PDLIM5: variants seen among roughly 807,000 people sequenced by gnomAD.
PDLIM5 encodes PDZ and LIM domain 5.
A neutral mutation model predicts 64.2 loss-of-function variants in PDLIM5; 34 were observed. That is an observed-to-expected ratio of 0.53 (90% CI 0.40 to 0.71). The LOEUF (loss-of-function observed/expected upper bound fraction) is 0.71. PDLIM5 is among the 30% of genes least tolerant of loss of function. The pLI, the probability that PDLIM5 is intolerant of heterozygous loss-of-function variation, is 0.00. For synonymous variants in PDLIM5, 253 were observed against 269.1 expected (o/e 0.94, Z 0.59); for missense variants, 683 against 733.6 (o/e 0.93, Z 0.80).
intron 3 of PDLIM5, among the ~76,000 whole-genome samples, chr4:94,528,630 C>A (rs1033894794): frequency 2.0e-4 from 30 of 152,268 alleles, no homozygotes; most frequent in Admixed American, 2.0e-3. Context: ...TGAACTCTTA[C>A]TATGTGCCGG....
At chr4:94,529,053 G>A (rs370450062) in intron 3 of PDLIM5, among the ~76,000 whole-genome samples, 2 of 152,350 alleles carry the variant, frequency 1.3e-5, no homozygotes, top group East Asian at 1.9e-4. Context: ...GGGAGTAGAA[G>A]TGGCGAGAAC....
chr4:94,526,409 A>G (rs969634484), intron 3 of PDLIM5, among the ~76,000 whole-genome samples: 2 of 152,312 alleles, frequency 1.3e-5, no homozygotes. Context: ...TCATATCTTC[A>G]TATTTCTAAA....
intron 7 of PDLIM5, among the ~76,000 whole-genome samples, chr4:94,607,265 CTT>C (rs35242711): frequency 2.1e-5 from 3 of 145,654 alleles, no homozygotes; most frequent in Non-Finnish European, 4.5e-5. Flanking sequence ...TATCCACAGA[CTT>C]TTTTTTTTTA....
intron 7 of PDLIM5, among the ~76,000 whole-genome samples, chr4:94,596,303 G>A (rs901928887): frequency 3.9e-5 from 6 of 152,054 alleles, no homozygotes; most frequent in East Asian, 3.9e-4. Context: ...GTCAGTGTTC[G>A]TAATATGCCA....
chr4:94,586,882 A>G, intron 7 of PDLIM5: 3 of 1,049,900 alleles, frequency 2.9e-6, no homozygotes, highest in South Asian at 1.8e-5. Flanking sequence ...TTAAGCTTTT[A>G]TAAGGCATGT....
intron 8 of PDLIM5, among the ~76,000 whole-genome samples, chr4:94,621,880 A>T (rs1162482148): frequency 9.9e-5 from 15 of 152,218 alleles, no homozygotes; most frequent in Admixed American, 4.6e-4. Flanking sequence ...ATTATATAAC[A>T]TTATAAAACA....
At chr4:94,524,368 C>CAAAA (rs34215993) in intron 3 of PDLIM5, among the ~76,000 whole-genome samples, 2 of 77,210 alleles carry the variant, frequency 2.6e-5, no homozygotes, top group African/African-American at 8.2e-5. Context: ...GACCCTGTCT[C>CAAAA]AAAAAAAAAA....
intron 3 of PDLIM5, among the ~76,000 whole-genome samples, chr4:94,572,842 A>G (rs1734923047): frequency 6.6e-6 from 1 of 152,212 alleles, no homozygotes; most frequent in Non-Finnish European, 1.5e-5. Context: ...GGAATACAGA[A>G]TAAATATTCA....
chr4:94,585,598 A>G lies in PDLIM5; in HGVS notation c.744A>G (p.Thr248=). The part of the protein sequence containing the change: ...PPRKHIVERY[T]EFYHVPTHSD... ...GAAAACACATTGTGGAGCGCTATAC[A>G]GAGTTTTATCATGTACCCACTCACA... The change falls in exon 6 of 13, where the codon ACA becomes ACG. Residue 248 remains threonine, a synonymous_variant. Transcript: ENST00000317968. The G allele has an allele frequency of 6.2e-7, 1 of 1,613,066 alleles. No individual in the cohort carries two copies.
Position 94,665,687 on chromosome 4 carries a change from G to T in PDLIM5, c.*1620G>T. ...CTTTGCAGAATGATCTTTTTGTTTC[G>T]TTTTGTTTCTTCTTCTGCATTTAAA... On this transcript the variant is annotated 3_prime_UTR_variant, in exon 13 of 13. Transcript: ENST00000317968. 9.2e-7 allele frequency: 1 copy of T among 1,088,994 alleles called. No individual in the cohort carries two copies. Among genetic ancestry groups the T allele is most frequent in the Non-Finnish European group, 1.1e-6 (1 of 897,204 alleles). The allele number at this position is 1,088,994 out of a possible 1,614,324, so 67.5% of individuals were successfully genotyped here.
intron 2 of PDLIM5, among the ~76,000 whole-genome samples, chr4:94,480,571 G>T (rs1472015853): frequency 1.3e-5 from 2 of 152,188 alleles, no homozygotes; most frequent in Non-Finnish European, 2.9e-5. Context: ...TGCAGAGAAG[G>T]CATGGGTCTG....
At chr4:94,549,251 G>T (rs999623924) in intron 3 of PDLIM5, among the ~76,000 whole-genome samples, 1 of 152,162 alleles carries the variant, frequency 6.6e-6, no homozygotes, top group African/African-American at 2.4e-5. Flanking sequence ...TCTATATGGA[G>T]TACAGGGTTA....
In PDLIM5 at chr4:94,619,285, C is replaced by G. The variant is rs1167031804; in HGVS notation, c.1108+1094C>G. The stretch of plus-strand genomic sequence containing the variant: ...TACAAATGACTTCTAATTTCCCTGT[C>G]TCCTTTCCCCTCCTTCAGTCTGTCC... On this transcript the variant is annotated intron_variant, in intron 8 of 12. Coordinates refer to ENST00000317968, the MANE Select transcript of PDLIM5 (RefSeq NM_006457.5). Among the ~76,000 whole-genome samples the G allele has an allele frequency of 4.6e-5, 7 of 152,208 alleles. No individual in the cohort carries two copies. In the East Asian group the frequency reaches 1.3e-3, roughly 29 times the overall value.
chr4:94,584,402 C>T (rs1238454193), intron 5 of PDLIM5: 1 of 152,178 alleles, frequency 6.6e-6, no homozygotes, highest in African/African-American at 2.4e-5. Context: ...AATGAATGTT[C>T]TTAGCAAACT....
chr4:94,602,642 G>A (rs568814175), intron 7 of PDLIM5, among the ~76,000 whole-genome samples: 2 of 152,012 alleles, frequency 1.3e-5, no homozygotes, highest in Non-Finnish European at 2.9e-5. Context: ...TTTTAGTAGA[G>A]ACGGAGTTTT....
chr4:94,467,486 G>A (rs760079466), intron 2 of PDLIM5, among the ~76,000 whole-genome samples: 1 of 151,898 alleles, frequency 6.6e-6, no homozygotes, highest in Non-Finnish European at 1.5e-5. Context: ...GCTAATTTTT[G>A]TATTCTTAGT....
rs778475759 is a variant in PDLIM5, at chr4:94,618,084, C to T, written c.1001C>T (p.Thr334Ile). The T allele has an allele frequency of 3.7e-6, 6 of 1,612,126 alleles. No homozygotes were observed. Among genetic ancestry groups the T allele is most frequent in the East Asian group, 4.5e-5 (2 of 44,740 alleles). Reference protein sequence around the residue: ...RSMPESLDSPTSGRPGVTSLT... With the variant: ...RSMPESLDSPISGRPGVTSLT... The stretch of plus-strand genomic sequence containing the variant: ...ATGCCCGAGAGCCTGGACAGCCCAA[C>T]CTCTGGCAGACCAGGGGTTACCAGC... The change falls in exon 8 of 13, where the codon ACC becomes ATC. Residue 334 changes from threonine (T) to isoleucine (I), a missense_variant. By Grantham distance (89) the Thr-to-Ile change is moderately conservative (BLOSUM62 -1). Coordinates refer to ENST00000317968, the MANE Select transcript of PDLIM5 (RefSeq NM_006457.5).
intron 2 of PDLIM5, among the ~76,000 whole-genome samples, chr4:94,491,223 C>T (rs1192420026): frequency 6.6e-6 from 1 of 152,136 alleles, no homozygotes; most frequent in Non-Finnish European, 1.5e-5. Context: ...TGGCACCTAG[C>T]ATTTGTACTT....
intron 8 of PDLIM5, among the ~76,000 whole-genome samples, chr4:94,627,485 T>C (rs182248694): frequency 3.0e-4 from 45 of 152,356 alleles, no homozygotes; most frequent in Admixed American, 2.0e-3. Flanking sequence ...CATATATGCT[T>C]TTCATAAAGA....
Sources: allele counts gnomAD v4.1 joint callset (sites outside exome capture counted in the v4.1 genomes callset), GRCh38; gene constraint gnomAD v4.1.1; transcripts MANE v1.5; gene names NCBI Gene and HGNC (gene_info 2026-07-23, HGNC 2026-07-21).